TRPM6: variants seen among roughly 807,000 people sequenced by gnomAD.
The protein encoded by TRPM6 is transient receptor potential cation channel subfamily M member 6, also known as channel kinase 2.
Under a neutral mutation model 247.6 loss-of-function variants are expected in TRPM6, and 111 were observed. The observed-to-expected ratio is 0.45, with a 90% CI of 0.38 to 0.52. The LOEUF (loss-of-function observed/expected upper bound fraction) is 0.52, where lower values mean the gene tolerates loss of function less well. TRPM6 is among the 20% of genes least tolerant of loss of function. The probability of loss-of-function intolerance (pLI) is 0.00; values close to 1 mark genes in which losing one functional copy is unlikely to be tolerated. For missense variants in TRPM6, 2,126 were observed against 2,421.5 expected, an observed-to-expected ratio of 0.88 and a Z score of 2.56; for synonymous variants, 892 against 853.8, an observed-to-expected ratio of 1.04 and a Z score of -0.78.
intron 1 of TRPM6, among the ~76,000 whole-genome samples, chr9:74,861,892 C>T (rs562183428): frequency 1.3e-5 from 2 of 152,124 alleles, no homozygotes; most frequent in East Asian, 1.9e-4. Flanking sequence ...ACTCCAACTC[C>T]TATAGGCCCC....
intron 1 of TRPM6, among the ~76,000 whole-genome samples, chr9:74,871,414 G>A (rs904447126): frequency 2.0e-5 from 3 of 151,972 alleles, no homozygotes; most frequent in African/African-American, 7.3e-5. Flanking sequence ...ATGCTGTTCT[G>A]CACCTTGTTT....
chr9:74,765,269 T>A (rs1021574577), intron 25 of TRPM6, among the ~76,000 whole-genome samples: 1 of 151,994 alleles, frequency 6.6e-6, no homozygotes, highest in Non-Finnish European at 1.5e-5. Flanking sequence ...GTATAAAATT[T>A]TAAGTTCAGA....
rs506973 is a variant in TRPM6 at position 74,738,384 on chromosome 9, T to C, written c.5776+23A>G. On this transcript the variant is annotated intron_variant, in intron 36 of 38. Coordinates refer to ENST00000360774, the MANE Select transcript of TRPM6 (RefSeq NM_017662.5). The stretch of plus-strand genomic sequence containing the variant: ...TACACTTTGCCTCATGCTTGTTGTA[T>C]CAAATCCTACATCATCAATCACCTT... 0.098 allele frequency: 158,080 copies of C among 1,612,514 alleles called. 8,785 individuals carry two copies. Among genetic ancestry groups the C allele is most frequent in the South Asian group, 0.23 (20,592 of 91,022 alleles).
At position 74,771,733 on chromosome 9, in the gene TRPM6, C is replaced by T. The variant is rs1020604428; in HGVS notation, c.3506G>A (p.Cys1169Tyr). Reference sequence around the variant, plus strand: ...TGATGTCACTCGGATTCGTTCCTCACAACTACAATTCACATCTTCCATCTT... The same window carrying T: ...TGATGTCACTCGGATTCGTTCCTCATAACTACAATTCACATCTTCCATCTT... ...HEKMEDVNCS[C>Y]EERIRVTSER... Residue 1169 changes from cysteine to tyrosine, a missense_variant, in exon 25 of 39, where the codon TGT becomes TAT. Coordinates refer to ENST00000360774, the MANE Select transcript of TRPM6 (RefSeq NM_017662.5). The T allele has an allele frequency of 6.2e-7, 1 of 1,613,988 alleles. No individual in the cohort carries two copies. Among genetic ancestry groups the T allele is most frequent in the Non-Finnish European group, 8.5e-7 (1 of 1,179,964 alleles).
At chr9:74,798,191 AAAG>A (rs1349819843) in intron 17 of TRPM6, among the ~76,000 whole-genome samples, 1 of 152,178 alleles carries the variant, frequency 6.6e-6, no homozygotes, top group Non-Finnish European at 1.5e-5. Flanking sequence ...CAGTGATGAA[AAAG>A]AAGATTTAAA....
chr9:74,887,516 C>G (rs960772758), intron 1 of TRPM6: 25 of 1,189,956 alleles, frequency 2.1e-5, no homozygotes, highest in Middle Eastern at 2.7e-4. Context: ...CCCACCGCCC[C>G]GAGCTGAACC....
At chr9:74,781,613 A>G (rs2118921776) in intron 23 of TRPM6, among the ~76,000 whole-genome samples, 1 of 151,638 alleles carries the variant, frequency 6.6e-6, no homozygotes, top group East Asian at 1.9e-4. Flanking sequence ...AAAGGAGAGG[A>G]GAGGAAAGGA....
intron 29 of TRPM6, among the ~76,000 whole-genome samples, 184 bp from the exon 30 acceptor site, chr9:74,750,906 A>G (rs1321798554): frequency 6.6e-6 from 1 of 152,230 alleles, no homozygotes; most frequent in Non-Finnish European, 1.5e-5. Flanking sequence ...GAGCAATGTC[A>G]GAGTTACTCA....
intron 1 of TRPM6, among the ~76,000 whole-genome samples, chr9:74,865,790 T>C (rs571976477): frequency 1.6e-4 from 24 of 152,318 alleles, no homozygotes; most frequent in Non-Finnish European, 2.8e-4. Flanking sequence ...ATACAGAGTC[T>C]TGCTATGTTG....
chr9:74,803,748 T>C (rs770456404), intron 15 of TRPM6, 46 bp downstream of exon 15: 2 of 1,349,110 alleles, frequency 1.5e-6, no homozygotes, highest in Non-Finnish European at 2.1e-6. Flanking sequence ...AGTCTCGAGC[T>C]GCAAAAAACA....
In TRPM6 at chr9:74,776,076, G is replaced by A. The variant is rs895756714; in HGVS notation, c.3210C>T (p.Asn1070=). The A allele has an allele frequency of 1.2e-6, 2 of 1,612,580 alleles. No homozygotes were observed. Among genetic ancestry groups the A allele is most frequent in the Non-Finnish European group, 1.7e-6 (2 of 1,178,722 alleles). The change falls in exon 24 of 39, where the codon AAC becomes AAT. Residue 1070 remains asparagine (N), a splice_region_variant and synonymous_variant. Coordinates refer to ENST00000360774, the MANE Select transcript of TRPM6 (RefSeq NM_017662.5). ...TGGATTCCATATCTAAGTAAACGTT[G>A]CTGTAAGATGAAGTAAGAGAGGGAC... ...IMVNLLIAFF[N]NVYLDMESIS... is the part of the protein sequence containing the mutation.
At position 74,840,107 on chromosome 9, in the gene TRPM6, T is replaced by G. The variant is rs1829880612; in HGVS notation, c.461A>C (p.Lys154Thr). The G allele has an allele frequency of 1.9e-6, 3 of 1,613,908 alleles. No homozygotes were observed. The highest frequency in any genetic ancestry group is 3.3e-5 in the Admixed American group (2 of 59,994). Residue 154 changes from lysine to threonine, a missense_variant, in exon 5 of 39, where the codon AAA (lysine) becomes ACA (threonine). Lys to Thr is a moderately conservative substitution (Grantham distance 78). Transcript: ENST00000360774. ...ACCTTGGCTGAAAATCTCTTTAAAT[T>G]TAGAGGGCATAGTAAAGTTCTGGAT... Reference protein sequence around the residue: ...GGIQNFTMPSKFKEIFSQGLV... With the variant: ...GGIQNFTMPSTFKEIFSQGLV...
chr9:74,758,074 A>T (rs1039482299), intron 27 of TRPM6, among the ~76,000 whole-genome samples: 1 of 152,190 alleles, frequency 6.6e-6, no homozygotes, highest in African/African-American at 2.4e-5. Flanking sequence ...TCTTTGACAT[A>T]CACAAAAAAA....
intron 16 of TRPM6, 37 bp from the exon 17 acceptor site, chr9:74,800,519 G>C (rs1259606480): frequency 7.1e-7 from 1 of 1,417,174 alleles, no homozygotes. Flanking sequence ...AACAAAGGCA[G>C]GTGAGAGAGC....
intron 16 of TRPM6, 59 bp downstream of exon 16, chr9:74,801,839 G>A: frequency 1.9e-6 from 3 of 1,590,786 alleles, no homozygotes; most frequent in South Asian, 1.1e-5. Flanking sequence ...AGAGATAAAA[G>A]TGTCTAACCA....
intron 16 of TRPM6, among the ~76,000 whole-genome samples, chr9:74,801,243 A>ATTTTTTTTT (rs59490187): frequency 5.9e-5 from 5 of 85,252 alleles, no homozygotes; most frequent in African/African-American, 1.8e-4. Context: ...AAGCCTGGGA[A>ATTTTTTTTT]TTTTTTTTTT....
At position 74,723,943 on chromosome 9, in the gene TRPM6, T is replaced by G. The variant is rs144874847; in HGVS notation, c.*670A>C. On this transcript the variant is annotated 3_prime_UTR_variant, in exon 39 of 39. Transcript: ENST00000360774. ...ATATATATTATATATGGAAGGGTAT[T>G]TGTTTTAGGTTTCCCTTTCTTTTAC... The G allele has an allele frequency of 6.4e-4, 94 of 147,852 alleles. No homozygotes were observed. The highest frequency in any genetic ancestry group is 1.9e-3 in the African/African-American group (76 of 40,780). 9.2% of individuals were successfully genotyped at this position (147,852 alleles called of 1,614,324 possible).
chr9:74,763,715 T>A (rs1457209135), intron 25 of TRPM6, among the ~76,000 whole-genome samples: 1 of 152,188 alleles, frequency 6.6e-6, no homozygotes, highest in Non-Finnish European at 1.5e-5. Flanking sequence ...AGACTTATAT[T>A]CAGAAAAAGC....
At chr9:74,851,277 G>A (rs534958623) in intron 3 of TRPM6, among the ~76,000 whole-genome samples, 1 of 151,648 alleles carries the variant, frequency 6.6e-6, no homozygotes, top group South Asian at 2.1e-4. Context: ...ATTCCAGGAG[G>A]GGGGTTAAAA....
Sources: gnomAD v4.1 joint callset for allele counts (sites outside exome capture counted in the v4.1 genomes callset) on GRCh38, gnomAD v4.1.1 for gene constraint, MANE v1.5 for transcripts, NCBI Gene and HGNC (gene_info 2026-07-23, HGNC 2026-07-21) for gene names.